The following GRB2 variants were observed in gnomAD, a reference collection of about 807,000 sequenced individuals.
GRB2 encodes growth factor receptor-bound protein 2.
In GRB2, 2 loss-of-function variants were observed where a neutral mutation model predicts 27.4. The ratio of observed to expected loss-of-function variants is 0.07; its 90% CI spans 0.03 to 0.23. The LOEUF is 0.23. Ranked by LOEUF, GRB2 falls within the 10% of genes least tolerant of loss-of-function variation. The pLI, the probability that GRB2 is intolerant of heterozygous loss-of-function variation, is 1.00. For synonymous variants in GRB2, 94 were observed against 99.6 expected, an observed-to-expected ratio of 0.94 and a Z score of 0.33; for missense variants, 102 against 282.4, an observed-to-expected ratio of 0.36 and a Z score of 4.58.
At chr17:75,324,575 T>C (rs183381714) in intron 4 of GRB2, among the ~76,000 whole-genome samples, 68 of 133,802 alleles carry the variant, frequency 5.1e-4, no homozygotes, top group African/African-American at 1.9e-3. Flanking sequence ...TAAAGTGCAA[T>C]GGCGCCATCT....
chr17:75,400,986 G>C (rs1169057257), intron 1 of GRB2, among the ~76,000 whole-genome samples: 1 of 144,324 alleles, frequency 6.9e-6, no homozygotes, highest in Admixed American at 6.9e-5. Flanking sequence ...TTTTTGAGAC[G>C]GAGTCTTGCT....
chr17:75,336,177 GTAA>G (rs1228060069), intron 2 of GRB2, among the ~76,000 whole-genome samples: 2 of 152,150 alleles, frequency 1.3e-5, no homozygotes, highest in African/African-American at 4.8e-5. Flanking sequence ...TCATCCTATA[GTAA>G]TAATAAAAAC....
At chr17:75,340,457 A>G (rs2078613140) in intron 2 of GRB2, among the ~76,000 whole-genome samples, 1 of 152,228 alleles carries the variant, frequency 6.6e-6, no homozygotes, top group South Asian at 2.1e-4. Context: ...TGACTTGAAG[A>G]CAAATTTCAA....
rs111964704 is a variant in GRB2 at position 75,348,552 on chromosome 17, C to T, written c.79-15755G>A. ...TAAGAATAAAAGGCATGGTCCCTGCCCTCAGAAGTGTTTATGAGCTAAGGG... is the reference window on the plus strand; with the variant it reads ...TAAGAATAAAAGGCATGGTCCCTGCTCTCAGAAGTGTTTATGAGCTAAGGG... On this transcript the variant is annotated intron_variant, in intron 2 of 5. Coordinates refer to ENST00000316804, the MANE Select transcript of GRB2 (RefSeq NM_002086.5). Among the ~76,000 whole-genome samples the T allele has an allele frequency of 1.4e-3, 209 of 152,144 alleles. 1 individual carries two copies. Among genetic ancestry groups the T allele is most frequent in the African/African-American group, 4.8e-3 (199 of 41,510 alleles).
Position 75,361,176 on chromosome 17 carries a change from A to G in GRB2, c.79-28379T>C, listed in dbSNP as rs376717233. On this transcript the variant is annotated intron_variant, in intron 2 of 5. Coordinates refer to ENST00000316804, the MANE Select transcript of GRB2 (RefSeq NM_002086.5). ...GATAGTACTTTTATTTTACAGATGA[A>G]CAAACCAGAGCTCAAAGAGGTCAGA... Among the ~76,000 whole-genome samples, 10 of 152,346 alleles carry G rather than the reference A, an allele frequency of 6.6e-5. No homozygotes were observed. The East Asian group carries it at 1.5e-3, about 23-fold the overall frequency.
intron 2 of GRB2, among the ~76,000 whole-genome samples, chr17:75,336,538 T>C (rs986924779): frequency 2.0e-5 from 3 of 152,146 alleles, no homozygotes; most frequent in Non-Finnish European, 2.9e-5. Flanking sequence ...ACTCTCTTCT[T>C]GTCACCTTTA....
chr17:75,321,922 G>T, intron 4 of GRB2, 95 bp from the exon 5 acceptor site: 3 of 1,207,862 alleles, frequency 2.5e-6, no homozygotes, highest in Non-Finnish European at 3.5e-6. Context: ...GAGAACCACT[G>T]TCCCAGCAGC....
intron 1 of GRB2, among the ~76,000 whole-genome samples, chr17:75,401,374 A>G (rs913072708): frequency 1.4e-5 from 2 of 148,014 alleles, no homozygotes; most frequent in Non-Finnish European, 3.0e-5. Context: ...GAACCCGGGA[A>G]GCGGAGCTTG....
intron 2 of GRB2, among the ~76,000 whole-genome samples, chr17:75,356,679 C>A (rs1479657170): frequency 6.6e-6 from 1 of 152,182 alleles, no homozygotes; most frequent in African/African-American, 2.4e-5. Context: ...TCTACTGAAA[C>A]TACTCAAGGT....
intron 2 of GRB2, among the ~76,000 whole-genome samples, chr17:75,350,104 C>T (rs1359277472): frequency 1.3e-5 from 2 of 151,720 alleles, no homozygotes; most frequent in African/African-American, 4.8e-5. Context: ...GTGGCATATG[C>T]CTGCAGTCCC....
At chr17:75,356,934 G>A (rs2078737575) in intron 2 of GRB2, among the ~76,000 whole-genome samples, 1 of 149,520 alleles carries the variant, frequency 6.7e-6, no homozygotes, top group Non-Finnish European at 1.5e-5. Flanking sequence ...TCCATCCCTG[G>A]AACTCTTTTC....
chr17:75,380,145 T>C (rs898865810), intron 2 of GRB2, among the ~76,000 whole-genome samples: 8 of 152,048 alleles, frequency 5.3e-5, no homozygotes, highest in Admixed American at 5.2e-4. Context: ...AGGTGGAAGA[T>C]GATGTACTGC....
At position 75,320,613 on chromosome 17, in the gene GRB2, C is replaced by T. The variant is rs1044642612; in HGVS notation, c.469-60G>A. ...TTCCTGGTCTGTGACTGGCCACCTC[C>T]GAGGCCAGATGGGTTCCAGGGGGAA... On this transcript the variant is annotated intron_variant, in intron 5 of 5. Coordinates refer to ENST00000316804, the MANE Select transcript of GRB2 (RefSeq NM_002086.5). The surrounding 1 kb of genome is among the most constrained non-coding windows in gnomAD (Gnocchi z 4.3). 6.7e-6 allele frequency: 9 copies of T among 1,342,888 alleles called. No individual in the cohort carries two copies. Among genetic ancestry groups the T allele is most frequent in the African/African-American group, 5.8e-5 (4 of 69,534 alleles). 83.2% of individuals were successfully genotyped at this position (1,342,888 alleles called of 1,614,324 possible). A position where few individuals can be genotyped will look rare whatever the true frequency, so the allele number is the denominator to read the frequency against.
At chr17:75,363,675 T>C (rs1052919837) in intron 2 of GRB2, among the ~76,000 whole-genome samples, 3 of 151,416 alleles carry the variant, frequency 2.0e-5, no homozygotes, top group African/African-American at 7.3e-5. Flanking sequence ...CTGGCCAACA[T>C]GGCGAAACCC....
At chr17:75,380,468 G>A (rs973880064) in intron 2 of GRB2, among the ~76,000 whole-genome samples, 1 of 151,470 alleles carries the variant, frequency 6.6e-6, no homozygotes, top group East Asian at 1.9e-4. Context: ...TCTTTATATT[G>A]CAGTATATGT....
At chr17:75,393,054 A>T (rs970940956) in intron 2 of GRB2, among the ~76,000 whole-genome samples, 6 of 152,206 alleles carry the variant, frequency 3.9e-5, no homozygotes, top group African/African-American at 1.4e-4. Flanking sequence ...AAGTTCTTTA[A>T]TGAGTTTTGG....
At chr17:75,365,698 T>A (rs2078814582) in intron 2 of GRB2, among the ~76,000 whole-genome samples, 2 of 149,648 alleles carry the variant, frequency 1.3e-5, no homozygotes, top group Non-Finnish European at 3.0e-5. Flanking sequence ...AGAAAATGAG[T>A]GAAAGAAAAA....
chr17:75,348,367 T>C (rs374024694), intron 2 of GRB2, among the ~76,000 whole-genome samples: 1 of 152,078 alleles, frequency 6.6e-6, no homozygotes, highest in Non-Finnish European at 1.5e-5. Context: ...CTATTAAAAG[T>C]TGAGAAAGGG....
chr17:75,365,298 AAAAC>A (rs2078812053), intron 2 of GRB2, among the ~76,000 whole-genome samples: 2 of 152,296 alleles, frequency 1.3e-5, no homozygotes, highest in South Asian at 2.1e-4. Context: ...TTCTCAAAAC[AAAAC>A]AAACAAAAAA....
Sources: gnomAD v4.1 joint callset for allele counts (sites outside exome capture counted in the v4.1 genomes callset) on GRCh38, gnomAD v4.1.1 for gene constraint, Gnocchi (gnomAD v3.1) non-coding constraint, MANE v1.5 for transcripts, NCBI Gene and HGNC (gene_info 2026-07-23, HGNC 2026-07-21) for gene names.